NEB: variants seen among roughly 807,000 people sequenced by gnomAD.
NEB encodes nebulin, also known as nemaline myopathy type 2.
Under a neutral mutation model 952.2 loss-of-function variants are expected in NEB, and 512 were observed. The observed-to-expected ratio is 0.54, with a 90% CI of 0.50 to 0.58. The LOEUF is 0.58. Ranked by LOEUF, NEB falls within the 20% of genes least tolerant of loss-of-function variation. The pLI is 0.00. For missense variants in NEB, 8,428 were observed against 9,231.1 expected (o/e 0.91, Z 3.56); for synonymous variants, 2,900 against 3,149.8 (o/e 0.92, Z 2.66).
chr2:151,577,224 C>T (rs918730436), intron 105 of NEB, among the ~76,000 whole-genome samples: 134 of 152,324 alleles, frequency 8.8e-4, no homozygotes, highest in African/African-American at 3.0e-3. Flanking sequence ...AAATCCCTGA[C>T]ACAGACTAGA....
chr2:151,568,992 C>T (rs773203347), intron 110 of NEB, among the ~76,000 whole-genome samples: 16 of 152,094 alleles, frequency 1.1e-4, no homozygotes, highest in East Asian at 5.8e-4. Context: ...ATTTTTCCAA[C>T]GAAACAAACT....
intron 88 of NEB, among the ~76,000 whole-genome samples, chr2:151,601,409 C>T (rs1050574156): frequency 4.9e-5 from 7 of 143,768 alleles, no homozygotes; most frequent in African/African-American, 1.8e-4. Flanking sequence ...CATGCCTTGC[C>T]TGAAATAATT....
chr2:151,552,257 T>A (rs1008652926), intron 128 of NEB, among the ~76,000 whole-genome samples: 1 of 152,214 alleles, frequency 6.6e-6, no homozygotes, highest in African/African-American at 2.4e-5. Flanking sequence ...ATGGATTAAG[T>A]GCTTTTCATA....
intron 45 of NEB, among the ~76,000 whole-genome samples, 197 bp from the exon 46 acceptor site, chr2:151,662,538 T>C (rs1425739910): frequency 6.6e-6 from 1 of 152,214 alleles, no homozygotes. Flanking sequence ...CTTTTATCCT[T>C]TTTATATTTC....
rs986450490 is a variant in NEB, at chr2:151,563,294, G to T, written c.18693+312C>A. Among the ~76,000 whole-genome samples the T allele has an allele frequency of 3.2e-4, 49 of 152,174 alleles. 1 individual carries two copies. The highest frequency in any genetic ancestry group is 1.2e-3 in the African/African-American group (49 of 41,442). ...CCTCCAAAGTGCTGGGATTACAGGT[G>T]TGAGCCATTTCACCTGGCCTGAAGT... On this transcript the variant is annotated intron_variant, in intron 119 of 181. Transcript: ENST00000397345.
intron 172 of NEB, 138 bp downstream of exon 172, chr2:151,496,803 A>T: frequency 2.6e-6 from 3 of 1,136,620 alleles, no homozygotes; most frequent in Non-Finnish European, 3.7e-6. Flanking sequence ...AGTAGCCCAA[A>T]GGAAAAAAGG....
Position 151,570,381 on chromosome 2 carries a change from C to A in NEB, c.17130G>T (p.Lys5710Asn). 6.3e-7 allele frequency: 1 copy of A among 1,577,606 alleles called. No individual in the cohort carries two copies. The highest frequency in any genetic ancestry group is 1.2e-5 in the South Asian group (1 of 84,768). Residue 5710 changes from lysine (K) to asparagine (N), a missense_variant, in exon 109 of 182, where the codon AAG becomes AAT. By Grantham distance (94) the Lys-to-Asn change is moderately conservative. Coordinates refer to ENST00000397345, the MANE Select transcript of NEB (RefSeq NM_001164508.2). Reference sequence around the variant, plus strand: ...GTCCCTTCTGCTTCTCATGGTCAAGCTTATATTTATACTGGAGATGCAAAA... The same window carrying A: ...GTCCCTTCTGCTTCTCATGGTCAAGATTATATTTATACTGGAGATGCAAAA... The part of the protein sequence containing the change: ...SREIASDYKY[K>N]LDHEKQKGHY...
intron 45 of NEB, among the ~76,000 whole-genome samples, chr2:151,662,920 CAATT>C (rs2154170609): frequency 6.6e-6 from 1 of 152,316 alleles, no homozygotes; most frequent in Admixed American, 6.5e-5. Flanking sequence ...ACCTCCCTGA[CAATT>C]AATAGCTCAG....
chr2:151,675,880 T>A (rs2099355691), intron 34 of NEB, among the ~76,000 whole-genome samples: 1 of 152,204 alleles, frequency 6.6e-6, no homozygotes, highest in African/African-American at 2.4e-5. Context: ...TACATGAATC[T>A]AGCATACTCA....
At chr2:151,710,671 T>C in intron 10 of NEB, 133 bp from the exon 11 acceptor site, 2 of 531,584 alleles carry the variant, frequency 3.8e-6, no homozygotes, top group South Asian at 5.9e-5. Context: ...TAAATGCCTT[T>C]AAAAAAAATC....
intron 10 of NEB, among the ~76,000 whole-genome samples, chr2:151,713,266 T>A (rs1304297651): frequency 6.6e-6 from 1 of 152,194 alleles, no homozygotes; most frequent in African/African-American, 2.4e-5. Flanking sequence ...TAATTACCCT[T>A]CTCTTTTTCT....
chr2:151,568,557 G>A (rs2096513942), intron 111 of NEB, 61 bp downstream of exon 111: 5 of 1,465,436 alleles, frequency 3.4e-6, no homozygotes, highest in Non-Finnish European at 4.7e-6. Context: ...GTAAGTAGAT[G>A]GAAAAGCTTT....
At chr2:151,612,443 C>T (rs955840073) in intron 77 of NEB, 54 bp from the exon 78 acceptor site, 15 of 1,463,184 alleles carry the variant, frequency 1.0e-5, no homozygotes, top group South Asian at 7.1e-5. Context: ...CGGCCTGGTG[C>T]CTGATCCTGA....
At chr2:151,711,279 A>T (rs375006172) in intron 10 of NEB, among the ~76,000 whole-genome samples, 152 of 152,326 alleles carry the variant, frequency 1.0e-3, no homozygotes, top group African/African-American at 3.4e-3. Context: ...AGCAGAATTA[A>T]CCAAGCCAAC....
intron 20 of NEB, 161 bp from the exon 21 acceptor site, chr2:151,692,523 G>C: frequency 2.9e-6 from 2 of 681,296 alleles, no homozygotes; most frequent in South Asian, 3.2e-5. Flanking sequence ...ATGTGGTAGA[G>C]GCTCATGCCT....
Position 151,640,547 on chromosome 2 carries a change from C to A in NEB, c.8493G>T (p.Glu2831Asp), listed in dbSNP as rs2098833761. ...TCCACTTCTCAAAGTCCTTCTTGTA[C>A]TCCCTGTCACTCTGGATCTTGGCCA... is the stretch of plus-strand genomic sequence containing the variant. ...MHVAKIQSDR[E>D]YKKDFEKWKT... Residue 2831 changes from glutamate to aspartate, a missense_variant, in exon 61 of 182, where the codon GAG becomes GAT. Around this residue, in one of 11 missense-constraint regions of NEB, gnomAD observed 1,772 missense variants for 1,960.3 expected, o/e 0.90. Transcript: ENST00000397345. 3 of 1,613,920 alleles carry A rather than the reference C, an allele frequency of 1.9e-6. No homozygotes were observed. The highest frequency in any genetic ancestry group is 1.6e-4 in the Middle Eastern group (1 of 6,062).
At chr2:151,731,746 A>G (rs1559728485) in intron 3 of NEB, among the ~76,000 whole-genome samples, 1 of 152,206 alleles carries the variant, frequency 6.6e-6, no homozygotes, top group South Asian at 2.1e-4. Context: ...TTATTTTAAG[A>G]AAGACAAGGG....
intron 67 of NEB, among the ~76,000 whole-genome samples, chr2:151,630,205 G>A (rs1009942725): frequency 2.9e-4 from 44 of 152,008 alleles, no homozygotes; most frequent in Middle Eastern, 3.2e-3. Context: ...AATAAACCAC[G>A]TGTCTATAAA....
chr2:151,609,682 TACCCCCAGCCCC>T (rs2097866814), intron 81 of NEB, 115 bp downstream of exon 81: 10 of 742,820 alleles, frequency 1.3e-5, no homozygotes, highest in Non-Finnish European at 2.1e-5. Flanking sequence ...ATGTGAATGG[TACCCCCAGCCCC>T]ACCCCCAGGT....
Sources: allele counts gnomAD v4.1 joint callset (sites outside exome capture counted in the v4.1 genomes callset), GRCh38; gene constraint gnomAD v4.1.1; regional missense constraint gnomAD v4.1.1; transcripts MANE v1.5; gene names NCBI Gene and HGNC (gene_info 2026-07-23, HGNC 2026-07-21).